The following ELMO1 variants were observed in gnomAD, a reference collection of about 807,000 sequenced individuals.
The protein encoded by ELMO1 is engulfment and cell motility 1.
ELMO1 carries 26 observed loss-of-function variants against 98.9 expected under a neutral mutation model. The ratio of observed to expected loss-of-function variants is 0.26; its 90% confidence interval spans 0.19 to 0.36. The LOEUF (loss-of-function observed/expected upper bound fraction) is 0.36. ELMO1 is among the 10% of genes least tolerant of loss of function. ELMO1 has a pLI of 1.00. For missense variants in ELMO1, 627 were observed against 935.2 expected (o/e 0.67, Z 4.30); for synonymous variants, 346 against 346.0 (o/e 1.00, Z 0.00).
rs1001065209 is a variant in ELMO1, at chr7:37,056,535, G to A, written c.1300+40084C>T. Among the ~76,000 whole-genome samples the A allele has an allele frequency of 2.6e-5, 4 of 152,324 alleles. No individual in the cohort carries two copies. In the East Asian group the frequency reaches 5.8e-4, roughly 22 times the overall value. On this transcript the variant is annotated intron_variant, in intron 15 of 21. Transcript: ENST00000310758. ...TATTTAATCCATCAGTTTTTGAAGAGGAAAAGGATGACATGGAAAATTAAA... is the reference window on the plus strand; with the variant it reads ...TATTTAATCCATCAGTTTTTGAAGAAGAAAAGGATGACATGGAAAATTAAA...
intron 14 of ELMO1, among the ~76,000 whole-genome samples, chr7:37,125,256 C>T (rs1456058460): frequency 6.6e-6 from 1 of 152,042 alleles, no homozygotes; most frequent in East Asian, 1.9e-4. Flanking sequence ...ACACCAAAAG[C>T]AATGGCAACA....
intron 18 of ELMO1, among the ~76,000 whole-genome samples, chr7:36,886,317 G>A (rs915498262): frequency 6.6e-6 from 1 of 152,124 alleles, no homozygotes; most frequent in Non-Finnish European, 1.5e-5. Flanking sequence ...ATTCCTCCAG[G>A]AAGTTCTGCC....
At chr7:37,200,958 A>T (rs908685139) in intron 13 of ELMO1, among the ~76,000 whole-genome samples, 1 of 151,906 alleles carries the variant, frequency 6.6e-6, no homozygotes, top group Non-Finnish European at 1.5e-5. Context: ...AAAAAAAAAA[A>T]ATACAAATAA....
intron 1 of ELMO1, among the ~76,000 whole-genome samples, chr7:37,389,330 C>T (rs1336541586): frequency 1.3e-5 from 2 of 152,202 alleles, no homozygotes; most frequent in African/African-American, 2.4e-5. Context: ...TTAAGCAAAA[C>T]AGCCACATAA....
chr7:36,927,410 A>G (rs961217123), intron 16 of ELMO1, among the ~76,000 whole-genome samples: 1 of 152,268 alleles, frequency 6.6e-6, no homozygotes, highest in Non-Finnish European at 1.5e-5. Context: ...TTTACGTGTT[A>G]TGCCTGTTAA....
intron 13 of ELMO1, among the ~76,000 whole-genome samples, chr7:37,183,073 T>G (rs1191673662): frequency 6.6e-6 from 1 of 152,194 alleles, no homozygotes; most frequent in East Asian, 1.9e-4. Context: ...TCAAAGTGAT[T>G]GGTGTGTTGA....
intron 2 of ELMO1, among the ~76,000 whole-genome samples, chr7:37,333,321 G>A (rs1319644441): frequency 6.6e-6 from 1 of 152,132 alleles, no homozygotes; most frequent in Non-Finnish European, 1.5e-5. Context: ...TTCACAAAAG[G>A]TTCTAGAAAT....
chr7:36,910,702 G>T (rs1784284935), intron 16 of ELMO1, among the ~76,000 whole-genome samples: 1 of 152,212 alleles, frequency 6.6e-6, no homozygotes, highest in Admixed American at 6.5e-5. Flanking sequence ...TAGGGGAAGG[G>T]TTAAAAGAGA....
At chr7:36,919,925 T>A (rs553748785) in intron 16 of ELMO1, among the ~76,000 whole-genome samples, 27 of 152,350 alleles carry the variant, frequency 1.8e-4, no homozygotes, top group Non-Finnish European at 3.2e-4. Flanking sequence ...AGAACTATAA[T>A]GTGTCACGAC....
chr7:37,243,623 A>G (rs1225719743), intron 7 of ELMO1, among the ~76,000 whole-genome samples: 1 of 152,206 alleles, frequency 6.6e-6, no homozygotes, highest in Non-Finnish European at 1.5e-5. Context: ...TAGTACATTG[A>G]AGGTGATGAG....
At chr7:36,961,477 T>C (rs1217402834) in intron 16 of ELMO1, among the ~76,000 whole-genome samples, 3 of 152,196 alleles carry the variant, frequency 2.0e-5, no homozygotes, top group Non-Finnish European at 4.4e-5. Context: ...GTATGAAAAT[T>C]ACAGAGTTTT....
chr7:37,281,417 C>T (rs1797134807), intron 4 of ELMO1, among the ~76,000 whole-genome samples: 1 of 152,242 alleles, frequency 6.6e-6, no homozygotes, highest in South Asian at 2.1e-4. Flanking sequence ...AACAATGAGG[C>T]AATACCCCCC....
chr7:37,046,098 A>G (rs1795781781), intron 15 of ELMO1, among the ~76,000 whole-genome samples: 1 of 152,192 alleles, frequency 6.6e-6, no homozygotes, highest in Non-Finnish European at 1.5e-5. Flanking sequence ...ACCTTTACCT[A>G]CACACAATCT....
intron 16 of ELMO1, among the ~76,000 whole-genome samples, chr7:36,939,058 A>C (rs186506853): frequency 4.0e-5 from 6 of 149,980 alleles, no homozygotes; most frequent in Non-Finnish European, 8.9e-5. Flanking sequence ...ATTGCTAATT[A>C]AAAAAAAAAT....
intron 15 of ELMO1, among the ~76,000 whole-genome samples, chr7:37,063,685 C>T (rs1329425008): frequency 6.6e-6 from 1 of 152,172 alleles, no homozygotes; most frequent in African/African-American, 2.4e-5. Flanking sequence ...TTGGCCTCAT[C>T]TCCAATGACC....
chr7:37,447,734 A>ACACACAC (rs1805695409), intron 1 of ELMO1, among the ~76,000 whole-genome samples: 1 of 147,650 alleles, frequency 6.8e-6, no homozygotes, highest in Admixed American at 6.7e-5. Flanking sequence ...ACACACACAC[A>ACACACAC]CACACACACA....
intron 1 of ELMO1, among the ~76,000 whole-genome samples, chr7:37,436,394 T>C (rs756994004): frequency 1.3e-5 from 2 of 152,208 alleles, no homozygotes; most frequent in Non-Finnish European, 2.9e-5. Flanking sequence ...TCAGGTCCAA[T>C]GAAGATATGC....
chr7:37,171,273 C>T (rs572023250), intron 13 of ELMO1, among the ~76,000 whole-genome samples: 1 of 151,848 alleles, frequency 6.6e-6, no homozygotes, highest in Non-Finnish European at 1.5e-5. Context: ...ATTTAAATAA[C>T]AGGAGGTGCT....
chr7:37,191,658 G>T (rs1393745257), intron 13 of ELMO1, among the ~76,000 whole-genome samples: 1 of 152,204 alleles, frequency 6.6e-6, no homozygotes, highest in Non-Finnish European at 1.5e-5. Flanking sequence ...GGTGGCTCAA[G>T]CCTGTAATCC....
Sources: gnomAD v4.1 joint callset for allele counts (sites outside exome capture counted in the v4.1 genomes callset) on GRCh38, gnomAD v4.1.1 for gene constraint, MANE v1.5 for transcripts, NCBI Gene and HGNC (gene_info 2026-07-23, HGNC 2026-07-21) for gene names.